The following RFX4 variants were observed in gnomAD, a reference collection of about 807,000 sequenced individuals.
The protein encoded by RFX4 is regulatory factor X4.
In RFX4, 10 loss-of-function variants were observed where a neutral mutation model predicts 95.0. The observed-to-expected ratio is 0.11, with a 90% CI of 0.06 to 0.18. The LOEUF (loss-of-function observed/expected upper bound fraction) is 0.18, where lower values mean the gene tolerates loss of function less well. Ranked by LOEUF, RFX4 falls within the 10% of genes least tolerant of loss-of-function variation. RFX4 has a pLI of 1.00. For missense variants in RFX4, 640 were observed against 922.0 expected (o/e 0.69, Z 3.96); for synonymous variants, 321 against 340.7 (o/e 0.94, Z 0.64).
chr12:106,714,238 AT>A (rs1433001284), intron 10 of RFX4, among the ~76,000 whole-genome samples: 1 of 152,036 alleles, frequency 6.6e-6, no homozygotes, highest in Non-Finnish European at 1.5e-5. Context: ...CATTTTATAG[AT>A]TAGGAGGCTG....
chr12:106,737,271 C>A (rs904901721), intron 15 of RFX4, among the ~76,000 whole-genome samples: 2 of 129,788 alleles, frequency 1.5e-5, no homozygotes, highest in African/African-American at 5.7e-5. Flanking sequence ...CCTATCTATC[C>A]ATTTCTCCAA....
intron 2 of RFX4, among the ~76,000 whole-genome samples, chr12:106,626,126 G>A (rs2040294100): frequency 6.6e-6 from 1 of 152,226 alleles, no homozygotes; most frequent in Non-Finnish European, 1.5e-5. Context: ...CACACCAAGA[G>A]TGATCCTGGC....
At chr12:106,696,189 C>A (rs1175667378) in intron 7 of RFX4, 94 bp from the exon 8 acceptor site, 1 of 1,409,410 alleles carries the variant, frequency 7.1e-7, no homozygotes, top group Non-Finnish European at 9.9e-7. Flanking sequence ...TAGATGACAG[C>A]ATTGTAGACT....
At chr12:106,668,011 T>C (rs958302969) in intron 4 of RFX4, among the ~76,000 whole-genome samples, 2 of 152,268 alleles carry the variant, frequency 1.3e-5, no homozygotes, top group East Asian at 3.9e-4. Context: ...ATTACAAAAA[T>C]TGGGGCTGTG....
intron 4 of RFX4, among the ~76,000 whole-genome samples, chr12:106,676,930 T>C (rs2041403359): frequency 6.8e-6 from 1 of 147,414 alleles, no homozygotes; most frequent in Non-Finnish European, 1.5e-5. Context: ...AGCAGTAACA[T>C]TGCGGTGGTA....
At chr12:106,754,168 C>T (rs189941658) in intron 17 of RFX4, among the ~76,000 whole-genome samples, 2 of 152,192 alleles carry the variant, frequency 1.3e-5, no homozygotes, top group African/African-American at 4.8e-5. Context: ...AATCCCCAGA[C>T]AAGCCAAGAA....
chr12:106,607,457 T>C (rs369234528), intron 1 of RFX4, among the ~76,000 whole-genome samples: 1 of 151,232 alleles, frequency 6.6e-6, no homozygotes, highest in African/African-American at 2.4e-5. Flanking sequence ...TGAGTTATTA[T>C]GAAGTGAGCA....
At chr12:106,620,793 A>G (rs1164107083) in intron 2 of RFX4, among the ~76,000 whole-genome samples, 1 of 152,062 alleles carries the variant, frequency 6.6e-6, no homozygotes, top group African/African-American at 2.4e-5. Flanking sequence ...CCTTATCTCA[A>G]CCACATAAGA....
chr12:106,620,081 A>G (rs2040152218), intron 2 of RFX4, among the ~76,000 whole-genome samples: 1 of 152,162 alleles, frequency 6.6e-6, no homozygotes, highest in African/African-American at 2.4e-5. Flanking sequence ...TAGTATCTGA[A>G]TTATCTCTGG....
intron 8 of RFX4, 106 bp downstream of exon 8, chr12:106,696,552 T>A: frequency 9.0e-7 from 1 of 1,108,926 alleles, no homozygotes; most frequent in South Asian, 2.0e-5. Flanking sequence ...GCCTCCCTTG[T>A]AAAGACCATT....
At position 106,720,961 on chromosome 12, in the gene RFX4, C is replaced by A; in HGVS notation, c.1351+85C>A. On this transcript the variant is annotated intron_variant, in intron 13 of 17. Transcript: ENST00000392842. This position sits in a 1 kb window ranked among gnomAD's most constrained non-coding sequence, Gnocchi z 4.2. ...GAGGAATCTACCACAGTCTAACTTG[C>A]TGTTTCTGCAAGGTCATCACCCTGA... is the stretch of plus-strand genomic sequence containing the variant. The A allele has an allele frequency of 1.7e-6, 2 of 1,176,688 alleles. No individual in the cohort carries two copies. The highest frequency in any genetic ancestry group is 2.5e-6 in the Non-Finnish European group (2 of 791,672). The allele number at this position is 1,176,688 out of a possible 1,614,324, so 72.9% of individuals were successfully genotyped here.
chr12:106,726,350 T>G (rs984283240), intron 13 of RFX4, among the ~76,000 whole-genome samples: 3 of 152,020 alleles, frequency 2.0e-5, no homozygotes, highest in African/African-American at 7.2e-5. Flanking sequence ...ATGTCTGATC[T>G]CATTGTCCTC....
intron 2 of RFX4, among the ~76,000 whole-genome samples, chr12:106,621,052 T>G (rs1195872675): frequency 6.6e-6 from 1 of 152,150 alleles, no homozygotes; most frequent in East Asian, 1.9e-4. Context: ...TTTTTCAAGG[T>G]GCACTGATTT....
chr12:106,609,783 C>T (rs1251201833), intron 2 of RFX4, among the ~76,000 whole-genome samples: 1 of 151,814 alleles, frequency 6.6e-6, no homozygotes, highest in Non-Finnish European at 1.5e-5. Context: ...GGTGTCATTA[C>T]TACCCAAAAA....
Position 106,705,765 on chromosome 12 carries a change from C to T in RFX4, c.834-3565C>T, listed in dbSNP as rs542607447. Among the ~76,000 whole-genome samples, 29 of 151,984 alleles carry T rather than the reference C, an allele frequency of 1.9e-4. No homozygotes were observed. The East Asian group carries it at 4.6e-3, about 24-fold the overall frequency. On this transcript the variant is annotated intron_variant, in intron 8 of 17. Transcript: ENST00000392842. ...GAGATAAGGAGGGTAGGGAGGGGGACAGTTTGGACAAGACCCGTTGTCCAT... is the reference window on the plus strand; with the variant it reads ...GAGATAAGGAGGGTAGGGAGGGGGATAGTTTGGACAAGACCCGTTGTCCAT...
At chr12:106,650,597 G>A (rs2040838538) in intron 3 of RFX4, among the ~76,000 whole-genome samples, 1 of 152,056 alleles carries the variant, frequency 6.6e-6, no homozygotes, top group Non-Finnish European at 1.5e-5. Flanking sequence ...GCCAGGTGTG[G>A]GACACCTGTA....
chr12:106,707,544 G>A (rs897823998), intron 8 of RFX4, among the ~76,000 whole-genome samples: 6 of 152,130 alleles, frequency 3.9e-5, no homozygotes, highest in Non-Finnish European at 8.8e-5. Context: ...GTTTCCAAAA[G>A]GAGGGCGCAG....
At chr12:106,622,107 A>G (rs1280407860) in intron 2 of RFX4, among the ~76,000 whole-genome samples, 1 of 152,224 alleles carries the variant, frequency 6.6e-6, no homozygotes, top group East Asian at 1.9e-4. Flanking sequence ...AGCTTATACA[A>G]GAAGTCAATA....
intron 11 of RFX4, among the ~76,000 whole-genome samples, chr12:106,718,993 G>A (rs2042346950): frequency 6.6e-6 from 1 of 151,864 alleles, no homozygotes; most frequent in East Asian, 1.9e-4. Flanking sequence ...GTGGTGGCGG[G>A]CACCTGTAGT....
Sources: allele counts gnomAD v4.1 joint callset (sites outside exome capture counted in the v4.1 genomes callset), GRCh38; gene constraint gnomAD v4.1.1; non-coding constraint Gnocchi (gnomAD v3.1); transcripts MANE v1.5; gene names NCBI Gene and HGNC (gene_info 2026-07-23, HGNC 2026-07-21).